FRMD4B: variants seen among roughly 807,000 people sequenced by gnomAD.
FRMD4B encodes the protein FERM domain-containing protein 4B.
In FRMD4B, 74 loss-of-function variants were observed where a neutral mutation model predicts 141.5. The observed-to-expected ratio is 0.52, with a 90% CI of 0.43 to 0.63. FRMD4B has a LOEUF of 0.63. FRMD4B is among the 30% of genes least tolerant of loss of function. The pLI is 0.00. For synonymous variants in FRMD4B, 506 were observed against 467.9 expected (o/e 1.08, Z -1.05); for missense variants, 1,366 against 1,253.4 (o/e 1.09, Z -1.36).
At chr3:69,218,432 T>A (rs764555415) in intron 9 of FRMD4B, 53 bp from the exon 10 acceptor site, 21 of 749,838 alleles carry the variant, frequency 2.8e-5, no homozygotes, top group Non-Finnish European at 4.7e-5. Context: ...AGAGGACCCT[T>A]TTGGGAAAAG....
rs980398611 is a variant in FRMD4B, at chr3:69,520,284, T to C, written c.-129+21922A>G. Among the ~76,000 whole-genome samples, 35 of 107,640 alleles carry C rather than the reference T, an allele frequency of 3.3e-4. No homozygotes were observed. The East Asian group carries it at 6.4e-3, about 20-fold the overall frequency. 70.6% of individuals were successfully genotyped at this position (107,640 alleles called of 152,430 possible). A position where few individuals can be genotyped will look rare whatever the true frequency, so the allele number is the denominator to read the frequency against. ...ATATATATATATGATGGAATATATATATATGATGGAATATATATATATGAT... is the reference window on the plus strand; with the variant it reads ...ATATATATATATGATGGAATATATACATATGATGGAATATATATATATGAT... On this transcript the variant is annotated intron_variant, in intron 1 of 5. Transcript: ENST00000459638.
At chr3:69,256,214 T>A (rs919445405) in intron 5 of FRMD4B, among the ~76,000 whole-genome samples, 2 of 152,168 alleles carry the variant, frequency 1.3e-5, no homozygotes, top group Non-Finnish European at 2.9e-5. Context: ...AGGACAGAAA[T>A]GAGTGAGTGC....
At chr3:69,283,970 C>CAAAAAAAAAAAAAAAAAAAAA (rs146536193) in intron 5 of FRMD4B, among the ~76,000 whole-genome samples, 1 of 137,752 alleles carries the variant, frequency 7.3e-6, no homozygotes, top group African/African-American at 2.7e-5. Context: ...CAAAACAAAA[C>CAAAAAAAAAAAAAAAAAAAAA]AAAACAAAAA....
chr3:69,262,763 A>T (rs2093536306), intron 5 of FRMD4B, among the ~76,000 whole-genome samples: 1 of 151,846 alleles, frequency 6.6e-6, no homozygotes, highest in African/African-American at 2.4e-5. Flanking sequence ...CCCGGTCCAC[A>T]AATAAGTAAA....
At chr3:69,434,671 G>A (rs2106844221) in intron 1 of FRMD4B, among the ~76,000 whole-genome samples, 1 of 152,260 alleles carries the variant, frequency 6.6e-6, no homozygotes, top group Non-Finnish European at 1.5e-5. Context: ...CACCAAATAT[G>A]CAAATATAAT....
At chr3:69,475,535 C>T (rs1440663935) in intron 1 of FRMD4B, among the ~76,000 whole-genome samples, 4 of 152,066 alleles carry the variant, frequency 2.6e-5, no homozygotes, top group Admixed American at 1.3e-4. Context: ...ACGACATGAA[C>T]TCATCATTTT....
chr3:69,247,934 C>A (rs1282650547), intron 7 of FRMD4B, among the ~76,000 whole-genome samples: 1 of 152,168 alleles, frequency 6.6e-6, no homozygotes, highest in Non-Finnish European at 1.5e-5. Flanking sequence ...CAGGCGTGAG[C>A]CACCGTGCCC....
chr3:69,182,605 G>C lies in FRMD4B; in HGVS notation c.2032C>G (p.His678Asp), dbSNP rs145085830. 169 of 1,608,888 alleles carry C rather than the reference G, an allele frequency of 1.1e-4. No individual in the cohort carries two copies. The African/African-American group carries it at 2.0e-3, about 19-fold the overall frequency. The change falls in exon 20 of 23, where the codon CAC (histidine) becomes GAC (aspartate). Residue 678 changes from histidine to aspartate, a missense_variant. His to Asp is a moderately conservative substitution (Grantham distance 81, BLOSUM62 -1). Coordinates refer to ENST00000398540, the MANE Select transcript of FRMD4B (RefSeq NM_015123.3). ...AGAAAGAAGCTCTCTTACTCCAAGTGGCTGCTGCTGTAGGCGTTTCGGGTA... is the reference window on the plus strand; with the variant it reads ...AGAAAGAAGCTCTCTTACTCCAAGTCGCTGCTGCTGTAGGCGTTTCGGGTA... ...VLTRNAYSSS[H>D]LEPESSSQHC...
chr3:69,193,514 A>G (rs1004648809), intron 17 of FRMD4B, 134 bp downstream of exon 17: 64 of 618,638 alleles, frequency 1.0e-4, no homozygotes, highest in Non-Finnish European at 1.2e-4. Context: ...GTCTCCAAAT[A>G]AAAAAGAAAA....
At chr3:69,540,588 G>C (rs1701158785) in intron 1 of FRMD4B, among the ~76,000 whole-genome samples, 1 of 130,304 alleles carries the variant, frequency 7.7e-6, no homozygotes, top group Admixed American at 8.3e-5. Context: ...ATTCTAGCCT[G>C]GGCGACAGAG....
intron 1 of FRMD4B, among the ~76,000 whole-genome samples, chr3:69,479,271 T>C (rs13097845): frequency 0.63 from 92,344 of 147,430 alleles, 30,081 homozygotes; most frequent in African/African-American, 0.82. Context: ...GGTTATTTTG[T>C]TCGTTAGTTG....
At chr3:69,178,997 A>T (rs1409170086) in intron 21 of FRMD4B, among the ~76,000 whole-genome samples, 1 of 151,868 alleles carries the variant, frequency 6.6e-6, no homozygotes, top group African/African-American at 2.4e-5. Flanking sequence ...GCCAGGACTA[A>T]TCTGGCAAAT....
intron 1 of FRMD4B, among the ~76,000 whole-genome samples, chr3:69,340,251 A>T (rs958882419): frequency 6.6e-6 from 1 of 151,594 alleles, no homozygotes. Context: ...TGTACAGATG[A>T]TTTTGTCACA....
chr3:69,200,287 C>G (rs2092952892), intron 11 of FRMD4B: 1 of 368,948 alleles, frequency 2.7e-6, no homozygotes, highest in African/African-American at 2.2e-5. Flanking sequence ...ACACAGCCCT[C>G]CGGGGTCCGC....
chr3:69,294,222 T>C (rs937531408), intron 4 of FRMD4B, among the ~76,000 whole-genome samples: 3 of 152,186 alleles, frequency 2.0e-5, no homozygotes, highest in African/African-American at 7.2e-5. Flanking sequence ...CCATGAGTAA[T>C]TTTAGGCATT....
At chr3:69,455,046 G>A (rs549220997) in intron 1 of FRMD4B, among the ~76,000 whole-genome samples, 1 of 152,318 alleles carries the variant, frequency 6.6e-6, no homozygotes, top group Admixed American at 6.5e-5. Context: ...TTTATGTCTA[G>A]CTAAAGGATT....
chr3:69,372,462 C>G (rs9812836), intron 1 of FRMD4B, among the ~76,000 whole-genome samples: 26,999 of 152,162 alleles, frequency 0.18, 2,683 homozygotes, highest in East Asian at 0.25. Context: ...GTTAGGAGAT[C>G]GAGACCAGCC....
At chr3:69,303,788 G>T (rs1265292519) in intron 3 of FRMD4B, among the ~76,000 whole-genome samples, 2 of 151,896 alleles carry the variant, frequency 1.3e-5, no homozygotes, top group Non-Finnish European at 2.9e-5. Context: ...AAAAAAATTA[G>T]CCTAGTGTGG....
At chr3:69,212,388 A>C in intron 11 of FRMD4B, among the ~76,000 whole-genome samples, 1 of 140,518 alleles carries the variant, frequency 7.1e-6, no homozygotes, top group East Asian at 2.0e-4. Context: ...AAAGAAAAAA[A>C]AAAAGAAAAA....
Sources: gnomAD v4.1 joint callset for allele counts (sites outside exome capture counted in the v4.1 genomes callset) on GRCh38, gnomAD v4.1.1 for gene constraint, MANE v1.5 for transcripts, NCBI Gene and HGNC (gene_info 2026-07-23, HGNC 2026-07-21) for gene names.